The following IQUB variants were observed in gnomAD, a reference collection of about 807,000 sequenced individuals.
IQUB encodes the protein IQ motif and ubiquitin domain containing.
IQUB carries 86 observed loss-of-function variants against 86.4 expected under a neutral mutation model. The ratio of observed to expected loss-of-function variants is 1.00; its 90% CI spans 0.84 to 1.19. The LOEUF (loss-of-function observed/expected upper bound fraction) is 1.19, where lower values mean the gene tolerates loss of function less well. Ranked by LOEUF, IQUB falls within the 50% of genes most tolerant of loss-of-function variation. The probability of loss-of-function intolerance (pLI) is 0.00; values close to 1 mark genes in which losing one functional copy is unlikely to be tolerated. For synonymous variants in IQUB, 289 were observed against 304.5 expected (o/e 0.95, Z 0.53); for missense variants, 946 against 916.9 (o/e 1.03, Z -0.41).
At chr7:123,531,028 T>C (rs1044062761) in intron 1 of IQUB, among the ~76,000 whole-genome samples, 1 of 152,104 alleles carries the variant, frequency 6.6e-6, no homozygotes, top group African/African-American at 2.4e-5. Flanking sequence ...TCTCTGTAGA[T>C]AGGAAAACTG....
At chr7:123,521,673 C>CACACACACAG (rs1281158139) in intron 1 of IQUB, among the ~76,000 whole-genome samples, 1 of 150,864 alleles carries the variant, frequency 6.6e-6, no homozygotes, top group Non-Finnish European at 1.5e-5. Flanking sequence ...CACACACACA[C>CACACACACAG]ACACACACAG....
intron 9 of IQUB, among the ~76,000 whole-genome samples, chr7:123,467,519 G>C (rs542983964): frequency 4.6e-5 from 7 of 152,294 alleles, no homozygotes; most frequent in African/African-American, 1.7e-4. Flanking sequence ...GCAGTATAAA[G>C]ACCCAGGATC....
At chr7:123,496,213 G>C (rs1216664060) in intron 7 of IQUB, among the ~76,000 whole-genome samples, 2 of 151,918 alleles carry the variant, frequency 1.3e-5, no homozygotes, top group Non-Finnish European at 2.9e-5. Flanking sequence ...GAAGAAATAA[G>C]GTATAAAAGT....
intron 8 of IQUB, among the ~76,000 whole-genome samples, chr7:123,476,404 G>A (rs939636541): frequency 1.3e-5 from 2 of 152,140 alleles, no homozygotes; most frequent in Non-Finnish European, 2.9e-5. Flanking sequence ...TGGTCTTTCT[G>A]GGATATGCAA....
intron 1 of IQUB, among the ~76,000 whole-genome samples, chr7:123,519,225 C>A (rs1796791796): frequency 6.6e-6 from 1 of 152,100 alleles, no homozygotes; most frequent in Admixed American, 6.6e-5. Flanking sequence ...TAAATTACTA[C>A]AGCCATTGTA....
intron 3 of IQUB, among the ~76,000 whole-genome samples, chr7:123,504,569 T>G (rs1796094788): frequency 6.6e-6 from 1 of 152,080 alleles, no homozygotes; most frequent in Non-Finnish European, 1.5e-5. Context: ...ACATCTTACA[T>G]GGCCAGAGGA....
At chr7:123,483,114 T>TC (rs1194745979) in intron 7 of IQUB, among the ~76,000 whole-genome samples, 2 of 152,134 alleles carry the variant, frequency 1.3e-5, no homozygotes, top group Non-Finnish European at 2.9e-5. Flanking sequence ...CATGTGGTTT[T>TC]CAATTCGCAG....
chr7:123,455,005 T>A (rs1793624737), intron 12 of IQUB, among the ~76,000 whole-genome samples: 1 of 152,156 alleles, frequency 6.6e-6, no homozygotes, highest in Non-Finnish European at 1.5e-5. Flanking sequence ...AGAGAGTTAT[T>A]CTCCATCTCC....
At chr7:123,490,098 A>T (rs1174421425) in intron 7 of IQUB, among the ~76,000 whole-genome samples, 2 of 151,984 alleles carry the variant, frequency 1.3e-5, no homozygotes, top group African/African-American at 4.8e-5. Context: ...TAAAAGGAAG[A>T]GATCATCTAA....
At chr7:123,531,084 G>A (rs140249368) in intron 1 of IQUB, among the ~76,000 whole-genome samples, 1,539 of 152,006 alleles carry the variant, frequency 0.01, 15 homozygotes, top group Non-Finnish European at 0.011. Flanking sequence ...CATTAGGTTC[G>A]GATCCATAAT....
chr7:123,516,306 G>C (rs1796633175), intron 1 of IQUB, among the ~76,000 whole-genome samples: 1 of 152,220 alleles, frequency 6.6e-6, no homozygotes, highest in Non-Finnish European at 1.5e-5. Flanking sequence ...CACTTTGGCT[G>C]TATAAAAATA....
chr7:123,455,482 AT>A (rs1793650192), intron 12 of IQUB, among the ~76,000 whole-genome samples: 1 of 152,166 alleles, frequency 6.6e-6, no homozygotes. Context: ...TGCATCAAAA[AT>A]TTTTAAAGTG....
rs1054771520 is a variant in IQUB at position 123,534,522 on chromosome 7, A to T, written c.-35T>A. The T allele has an allele frequency of 6.5e-6, 1 of 153,610 alleles. No homozygotes were observed. The highest frequency in any genetic ancestry group is 2.4e-5 in the African/African-American group (1 of 41,452). 9.5% of individuals were successfully genotyped at this position (153,610 alleles called of 1,614,324 possible). A position where few individuals can be genotyped will look rare whatever the true frequency, so the allele number is the denominator to read the frequency against. On this transcript the variant is annotated 5_prime_UTR_variant, in exon 1 of 13. Transcript: ENST00000324698. ...TACGAAACCAAACTATTCTCGTCGA[A>T]GTGCTTTCCCAGGCTCCTAAGACGC...
At chr7:123,522,901 T>G (rs926305388) in intron 1 of IQUB, among the ~76,000 whole-genome samples, 1 of 133,908 alleles carries the variant, frequency 7.5e-6, no homozygotes, top group Non-Finnish European at 1.5e-5. Flanking sequence ...CCCCTTCCAG[T>G]GTCCATGTGT....
At position 123,502,419 on chromosome 7, in the gene IQUB, C is replaced by G. The variant is rs1795985776; in HGVS notation, c.1023+178G>C. ...GGAAGGATTAGGAGCATTTAGGATGCTGGTTCTTTACATGGGGGAATACTG... is the reference window on the plus strand; with the variant it reads ...GGAAGGATTAGGAGCATTTAGGATGGTGGTTCTTTACATGGGGGAATACTG... On this transcript the variant is annotated intron_variant, in intron 6 of 12. Transcript: ENST00000324698. 1.2e-5 allele frequency: 7 copies of G among 581,502 alleles called. No homozygotes were observed. The South Asian group carries it at 1.6e-4, about 13-fold the overall frequency. 36.0% of individuals were successfully genotyped at this position (581,502 alleles called of 1,614,324 possible). A position where few individuals can be genotyped will look rare whatever the true frequency, so the allele number is the denominator to read the frequency against.
chr7:123,523,930 A>G (rs914134816), intron 1 of IQUB, among the ~76,000 whole-genome samples: 1 of 152,128 alleles, frequency 6.6e-6, no homozygotes, highest in Non-Finnish European at 1.5e-5. Flanking sequence ...ATGGCTAGCC[A>G]GTTTTCCCAG....
At chr7:123,468,953 G>C (rs998979800) in intron 9 of IQUB, among the ~76,000 whole-genome samples, 1 of 152,018 alleles carries the variant, frequency 6.6e-6, no homozygotes, top group Admixed American at 6.6e-5. Flanking sequence ...TATAATTGCT[G>C]TTTATGTAAT....
At chr7:123,527,199 T>C (rs1034736515) in intron 1 of IQUB, among the ~76,000 whole-genome samples, 3 of 152,220 alleles carry the variant, frequency 2.0e-5, no homozygotes, top group Admixed American at 6.5e-5. Flanking sequence ...TATTGGTTAT[T>C]GTAGTTATAC....
Position 123,496,276 on chromosome 7 carries a change from A to T in IQUB, c.1234+420T>A, listed in dbSNP as rs148960889. ...AGTATTATTAATAAGGGGGAATTTT[A>T]AAAATATTGCCAAGCCCCTTCTCTA... On this transcript the variant is annotated intron_variant, in intron 7 of 12. Transcript: ENST00000324698. Among the ~76,000 whole-genome samples the T allele has an allele frequency of 7.6e-4, 116 of 152,222 alleles. 2 individuals carry two copies. The East Asian group carries it at 0.018, about 24-fold the overall frequency.
Sources: allele counts gnomAD v4.1 joint callset (sites outside exome capture counted in the v4.1 genomes callset), GRCh38; gene constraint gnomAD v4.1.1; transcripts MANE v1.5; gene names NCBI Gene and HGNC (gene_info 2026-07-23, HGNC 2026-07-21).